The following SNRPB2 variants were observed in gnomAD, a reference collection of about 807,000 sequenced individuals.
The protein encoded by SNRPB2 is small nuclear ribonucleoprotein polypeptide B2, also known as U2 small nuclear ribonucleoprotein B''.
In SNRPB2, 16 loss-of-function variants were observed where a neutral mutation model predicts 26.3. That is an observed-to-expected ratio of 0.61 (90% CI 0.41 to 0.92). SNRPB2 has a LOEUF of 0.92. SNRPB2 is among the 40% of genes least tolerant of loss of function. SNRPB2 has a pLI of 0.00. For synonymous variants in SNRPB2, 75 were observed against 89.0 expected, an observed-to-expected ratio of 0.84 and a Z score of 0.88; for missense variants, 179 against 268.1, an observed-to-expected ratio of 0.67 and a Z score of 2.32.
chr20:16,737,004 C>A (rs539802924), intron 3 of SNRPB2, among the ~76,000 whole-genome samples: 22 of 152,282 alleles, frequency 1.4e-4, no homozygotes, highest in African/African-American at 5.1e-4. Flanking sequence ...ACAGATATTT[C>A]AAAGTCCTGT....
Position 16,732,289 on chromosome 20 carries a change from A to G in SNRPB2, c.190A>G (p.Asn64Asp). Residue 64 changes from asparagine to aspartate, a missense_variant, in exon 3 of 7, where the codon AAT becomes GAT. This residue lies in a region of SNRPB2 where 145 missense variants were observed against 180.7 expected (regional missense o/e 0.80). Transcript: ENST00000246071. ...ATTTAAGGAACTGGGCTCATCCACA[A>G]ATGCCTTGAGACAGCTACAAGGATT... ...VIFKELGSST[N>D]ALRQLQGFPF... 2 of 1,602,482 alleles carry G rather than the reference A, an allele frequency of 1.2e-6. No individual in the cohort carries two copies. Among genetic ancestry groups the G allele is most frequent in the East Asian group, 2.2e-5 (1 of 44,596 alleles).
rs1265741040 is a variant in SNRPB2 at position 16,741,833 on chromosome 20, T to C, written c.*828T>C. Reference sequence around the variant, plus strand: ...AATGTTCAAATATTTCCAAAGCCCATTTTCTTTAGCTTTTGATTTATGTTT... The same window carrying C: ...AATGTTCAAATATTTCCAAAGCCCACTTTCTTTAGCTTTTGATTTATGTTT... On this transcript the variant is annotated 3_prime_UTR_variant, in exon 7 of 7. Coordinates refer to ENST00000246071, the MANE Select transcript of SNRPB2 (RefSeq NM_003092.5). 6.6e-6 allele frequency: 1 copy of C among 152,212 alleles called. No homozygotes were observed. The highest frequency in any genetic ancestry group is 1.5e-5 in the Non-Finnish European group (1 of 68,030). 9.4% of individuals were successfully genotyped at this position (152,212 alleles called of 1,614,324 possible). A position where few individuals can be genotyped will look rare whatever the true frequency, so the allele number is the denominator to read the frequency against.
intron 2 of SNRPB2, 38 bp downstream of exon 2, chr20:16,731,804 G>T (rs184206221): frequency 1.2e-6 from 2 of 1,608,676 alleles, no homozygotes; most frequent in Admixed American, 1.7e-5. Context: ...CTACTAAAAT[G>T]TGTTTATTTA....
At position 16,736,196 on chromosome 20, in the gene SNRPB2, T is replaced by C. The variant is rs571477934; in HGVS notation, c.238-1065T>C. Among the ~76,000 whole-genome samples the C allele has an allele frequency of 8.6e-5, 13 of 152,046 alleles. No homozygotes were observed. The East Asian group carries it at 2.3e-3, about 27-fold the overall frequency. The stretch of plus-strand genomic sequence containing the variant: ...GCATAGATGAATCTCAAAGACATTA[T>C]GCCAAGTAAAGGAAGGCAGCCTCCA... On this transcript the variant is annotated intron_variant, in intron 3 of 6. Transcript: ENST00000246071.
At position 16,737,360 on chromosome 20, in the gene SNRPB2, G is replaced by A. The variant is rs781579916; in HGVS notation, c.337G>A (p.Val113Met). ...AAAAGAAAAGAAAAAAGCCAAAACT[G>A]TGGAACAGACTGCAACAACCACAAA... ...KKKEKKKAKT[V>M]EQTATTTNKK... is the part of the protein sequence containing the mutation. Residue 113 changes from valine (V) to methionine (M), a missense_variant, in exon 4 of 7, where the codon GTG becomes ATG. Coordinates refer to ENST00000246071, the MANE Select transcript of SNRPB2 (RefSeq NM_003092.5). 124 of 1,604,206 alleles carry A rather than the reference G, an allele frequency of 7.7e-5. No homozygotes were observed. The highest frequency in any genetic ancestry group is 9.6e-5 in the Non-Finnish European group (113 of 1,177,776).
At chr20:16,731,239 CT>C (rs1217406484) in intron 1 of SNRPB2, among the ~76,000 whole-genome samples, 1 of 152,166 alleles carries the variant, frequency 6.6e-6, no homozygotes, top group African/African-American at 2.4e-5. Context: ...TATGGAAGGA[CT>C]TTGTAAGTGC....
intron 4 of SNRPB2, among the ~76,000 whole-genome samples, chr20:16,737,802 C>T (rs2072436432): frequency 1.3e-5 from 2 of 151,266 alleles, no homozygotes; most frequent in South Asian, 2.1e-4. Context: ...TTTGGGAGGC[C>T]GAGGCAGGAG....
chr20:16,730,949 G>A (rs1239451720), intron 1 of SNRPB2: 1 of 152,246 alleles, frequency 6.6e-6, no homozygotes, highest in Non-Finnish European at 1.5e-5. Flanking sequence ...TACCGCTGAT[G>A]CAGAACTGTG....
intron 3 of SNRPB2, among the ~76,000 whole-genome samples, chr20:16,733,417 C>T (rs955521686): frequency 5.9e-5 from 9 of 152,146 alleles, no homozygotes; most frequent in South Asian, 2.1e-4. Context: ...TGGTACAGAC[C>T]GCTGATCTAA....
intron 5 of SNRPB2, among the ~76,000 whole-genome samples, chr20:16,739,999 GGGTGACATT>G (rs1161653790): frequency 1.3e-5 from 2 of 151,452 alleles, no homozygotes; most frequent in Non-Finnish European, 2.9e-5. Flanking sequence ...AGCTACGGAG[GGGTGACATT>G]GCTGGCCATC....
intron 5 of SNRPB2, 42 bp downstream of exon 5, chr20:16,738,944 GT>G: frequency 7.3e-7 from 1 of 1,360,690 alleles, no homozygotes; most frequent in Non-Finnish European, 1.1e-6. Flanking sequence ...AAATAAGATT[GT>G]AAAAATTACA....
Position 16,741,456 on chromosome 20 carries a change from T to C in SNRPB2, c.*451T>C, listed in dbSNP as rs2072462227. On this transcript the variant is annotated 3_prime_UTR_variant, in exon 7 of 7. Transcript: ENST00000246071. ...GATTGTTCTGGGTATTAGAAGAAAA[T>C]GAGACCCAGGCAGGATCTAAATTTG... 1 of 152,280 alleles carries C rather than the reference T, an allele frequency of 6.6e-6. No homozygotes were observed. The highest frequency in any genetic ancestry group is 2.1e-4 in the South Asian group (1 of 4,834). The allele number at this position is 152,280 out of a possible 1,614,324, so 9.4% of individuals were successfully genotyped here. A position where few individuals can be genotyped will look rare whatever the true frequency, so the allele number is the denominator to read the frequency against.
chr20:16,741,571 G>T lies in SNRPB2; in HGVS notation c.*566G>T, dbSNP rs1306898920. 6.6e-6 allele frequency: 1 copy of T among 152,158 alleles called. No homozygotes were observed. Among genetic ancestry groups the T allele is most frequent in the Admixed American group, 6.5e-5 (1 of 15,272 alleles). 9.4% of individuals were successfully genotyped at this position (152,158 alleles called of 1,614,324 possible). A position where few individuals can be genotyped will look rare whatever the true frequency, so the allele number is the denominator to read the frequency against. ...CTTCATTCAGTATTAAATAAAGGCT[G>T]TTCTTACTGTTTACTGAGAAAACAG... On this transcript the variant is annotated 3_prime_UTR_variant, in exon 7 of 7. Transcript: ENST00000246071.
rs751616704 is a variant in SNRPB2, at chr20:16,740,949, C to T, written c.622C>T (p.Gln208Ter). The T allele has an allele frequency of 6.2e-7, 1 of 1,612,884 alleles. No homozygotes were observed. The highest frequency in any genetic ancestry group is 1.1e-5 in the South Asian group (1 of 91,042). The change falls in exon 7 of 7, where the codon CAG becomes TAG. Residue 208 changes from glutamine (Q) to a stop codon, truncating the protein, a stop_gained. Transcript: ENST00000246071. LOFTEE classifies it high-confidence loss of function. ...GQAGAARDAL[Q>*]GFKITPSHAM... The stretch of plus-strand genomic sequence containing the variant: ...GGCTGGAGCTGCCAGGGATGCTTTA[C>T]AGGGATTTAAGATCACACCGTCCCA...
chr20:16,733,980 A>G (rs988025361), intron 3 of SNRPB2, among the ~76,000 whole-genome samples: 1 of 152,210 alleles, frequency 6.6e-6, no homozygotes, highest in African/African-American at 2.4e-5. Flanking sequence ...TTGAGATCTC[A>G]GTTGGCAGCA....
In SNRPB2 at chr20:16,731,626, T is replaced by C. The variant is rs148492582; in HGVS notation, c.-35-42T>C. ...TAATAATTCTTGTGTTGTGTCCTTA[T>C]GCCACAGTCCAGTATAATTTACTCC... On this transcript the variant is annotated intron_variant, in intron 1 of 6. Transcript: ENST00000246071. The C allele has an allele frequency of 1.7e-4, 269 of 1,560,320 alleles. 1 individual carries two copies. In the African/African-American group the frequency reaches 2.7e-3, roughly 16 times the overall value.
intron 4 of SNRPB2, among the ~76,000 whole-genome samples, chr20:16,738,605 A>G (rs1402201266): frequency 6.6e-6 from 1 of 152,146 alleles, no homozygotes; most frequent in East Asian, 1.9e-4. Flanking sequence ...TTTTAAAGCT[A>G]AGAGGTTAAA....
At chr20:16,732,062 A>C in intron 2 of SNRPB2, 102 bp from the exon 3 acceptor site, 1 of 722,324 alleles carries the variant, frequency 1.4e-6, no homozygotes. Context: ...AACTGTATAA[A>C]TAAGTGAATG....
Position 16,739,481 on chromosome 20 carries a change from T to C in SNRPB2, c.429+579T>C, listed in dbSNP as rs568072114. The stretch of plus-strand genomic sequence containing the variant: ...GCTGATGGTTTCATACTTTTTTTTT[T>C]CCAGATGGCGGGGTCTGGCAAGATC... On this transcript the variant is annotated intron_variant, in intron 5 of 6. Transcript: ENST00000246071. Among the ~76,000 whole-genome samples the C allele has an allele frequency of 3.8e-4, 58 of 152,256 alleles. 1 individual carries two copies. The highest frequency in any genetic ancestry group is 1.4e-3 in the African/African-American group (57 of 41,540).
Sources: gnomAD v4.1 joint callset for allele counts (sites outside exome capture counted in the v4.1 genomes callset) on GRCh38, gnomAD v4.1.1 for gene constraint, gnomAD v4.1.1 regional missense constraint, MANE v1.5 for transcripts, NCBI Gene and HGNC (gene_info 2026-07-23, HGNC 2026-07-21) for gene names.